Variants in SULF1 observed in about 807,000 individuals in gnomAD.
SULF1 encodes the protein sulfatase 1.
SULF1 carries 46 observed loss-of-function variants against 110.5 expected under a neutral mutation model. The observed-to-expected ratio is 0.42, with a 90% CI of 0.33 to 0.53. The LOEUF is 0.53. Ranked by LOEUF, SULF1 falls within the 20% of genes least tolerant of loss-of-function variation. SULF1 has a pLI of 0.12. For synonymous variants in SULF1, 371 were observed against 387.1 expected (o/e 0.96, Z 0.49); for missense variants, 941 against 1,094.2 (o/e 0.86, Z 1.98).
intron 13 of SULF1, among the ~76,000 whole-genome samples, chr8:69,607,390 G>T (rs768159016): frequency 2.2e-4 from 33 of 152,142 alleles, no homozygotes; most frequent in Non-Finnish European, 1.0e-4. Context: ...TTTGGGACAG[G>T]GTTTTACTCT....
At chr8:69,560,456 A>G (rs1815405143) in intron 3 of SULF1, among the ~76,000 whole-genome samples, 1 of 152,162 alleles carries the variant, frequency 6.6e-6, no homozygotes, top group Admixed American at 6.5e-5. Flanking sequence ...CCAATTGACC[A>G]TAACTACAAC....
intron 3 of SULF1, among the ~76,000 whole-genome samples, chr8:69,560,071 C>G (rs977425574): frequency 6.6e-6 from 1 of 152,142 alleles, no homozygotes; most frequent in Non-Finnish European, 1.5e-5. Flanking sequence ...CCTCATGAAC[C>G]TCTCAAAAGG....
intron 22 of SULF1, among the ~76,000 whole-genome samples, chr8:69,646,673 G>T (rs1262065923): frequency 6.6e-6 from 1 of 152,112 alleles, no homozygotes; most frequent in Admixed American, 6.5e-5. Flanking sequence ...CTGATAAATG[G>T]TGAAATTCAA....
chr8:69,608,408 G>A (rs1003511579), intron 13 of SULF1, among the ~76,000 whole-genome samples: 3 of 152,208 alleles, frequency 2.0e-5, no homozygotes, highest in South Asian at 4.1e-4. Flanking sequence ...GGCCGGGCAC[G>A]GTGGCTGATG....
chr8:69,610,966 G>C (rs1394992611), intron 13 of SULF1, among the ~76,000 whole-genome samples: 1 of 151,948 alleles, frequency 6.6e-6, no homozygotes, highest in Non-Finnish European at 1.5e-5. Flanking sequence ...CATGGATGTT[G>C]TTACTTCTCT....
intron 3 of SULF1, among the ~76,000 whole-genome samples, chr8:69,524,890 G>T (rs1402133209): frequency 1.3e-5 from 2 of 152,142 alleles, no homozygotes. Context: ...CACGTAGATG[G>T]TCTAGGCTTA....
At chr8:69,482,568 A>C (rs1809554622) in intron 1 of SULF1, among the ~76,000 whole-genome samples, 1 of 151,922 alleles carries the variant, frequency 6.6e-6, no homozygotes, top group African/African-American at 2.4e-5. Flanking sequence ...TAATTTTATA[A>C]AATCTCTGTT....
intron 13 of SULF1, among the ~76,000 whole-genome samples, chr8:69,618,319 A>G (rs756080540): frequency 4.6e-5 from 7 of 152,230 alleles, no homozygotes; most frequent in Non-Finnish European, 1.0e-4. Context: ...GAATTGAAAA[A>G]GAAAAGATGA....
intron 8 of SULF1, among the ~76,000 whole-genome samples, chr8:69,591,040 G>T (rs1806859934): frequency 6.6e-6 from 1 of 152,164 alleles, no homozygotes; most frequent in African/African-American, 2.4e-5. Flanking sequence ...AAACTTTACA[G>T]ATGTTCCCTC....
chr8:69,616,990 T>G (rs1194538165), intron 13 of SULF1, among the ~76,000 whole-genome samples: 1 of 152,170 alleles, frequency 6.6e-6, no homozygotes, highest in Non-Finnish European at 1.5e-5. Flanking sequence ...TCTTCATTTT[T>G]AAATGCTAGA....
intron 11 of SULF1, 50 bp downstream of exon 11, chr8:69,603,370 GCTGGTGC>G (rs1345681586): frequency 1.2e-6 from 2 of 1,612,082 alleles, no homozygotes; most frequent in African/African-American, 2.7e-5. Flanking sequence ...CTGAGCTCCA[GCTGGTGC>G]CCAGAGCCAG....
chr8:69,649,821 G>A (rs1437357373), intron 22 of SULF1, among the ~76,000 whole-genome samples: 5 of 151,892 alleles, frequency 3.3e-5, no homozygotes, highest in Non-Finnish European at 5.9e-5. Context: ...TTTGCTAGGT[G>A]AAGCCACTAT....
chr8:69,634,993 G>A (rs192144457), intron 19 of SULF1, among the ~76,000 whole-genome samples: 3 of 152,156 alleles, frequency 2.0e-5, no homozygotes, highest in East Asian at 1.9e-4. Context: ...AAGGGGTTTC[G>A]CCATGTTGGC....
chr8:69,518,740 C>A (rs1812098455), intron 3 of SULF1, among the ~76,000 whole-genome samples: 1 of 152,112 alleles, frequency 6.6e-6, no homozygotes, highest in Admixed American at 6.6e-5. Flanking sequence ...TTAGTCAGAA[C>A]TTGAGGGCCG....
chr8:69,586,213 A>G lies in SULF1; in HGVS notation c.413-144A>G, dbSNP rs531518984. ...CACTTTGCCAAAGGATTGGAGTATT[A>G]CACTAATGTCATTTTGGCATTCACT... On this transcript the variant is annotated intron_variant, in intron 6 of 22. Coordinates refer to ENST00000402687, the MANE Select transcript of SULF1 (RefSeq NM_001128205.2). 3.4e-4 allele frequency: 248 copies of G among 722,396 alleles called. No individual in the cohort carries two copies. In the African/African-American group the frequency reaches 4.2e-3, roughly 12 times the overall value. 44.7% of individuals were successfully genotyped at this position (722,396 alleles called of 1,614,324 possible).
intron 14 of SULF1, among the ~76,000 whole-genome samples, chr8:69,622,512 G>A (rs970094423): frequency 2.0e-5 from 3 of 151,664 alleles, no homozygotes; most frequent in Non-Finnish European, 4.4e-5. Flanking sequence ...TTGAACCTGA[G>A]ATGCAGAGGT....
intron 13 of SULF1, among the ~76,000 whole-genome samples, chr8:69,612,899 T>C (rs1282155225): frequency 6.6e-6 from 1 of 152,220 alleles, no homozygotes; most frequent in Non-Finnish European, 1.5e-5. Flanking sequence ...TTATATTTGC[T>C]TTTGGGGTCT....
At chr8:69,526,798 A>AAAGGAAGGAACG (rs1812705960) in intron 3 of SULF1, among the ~76,000 whole-genome samples, 1 of 112,198 alleles carries the variant, frequency 8.9e-6, no homozygotes, top group Admixed American at 1.0e-4. Context: ...GTCAAGAAAG[A>AAAGGAAGGAACG]AAGGAAGGAA....
At chr8:69,554,614 T>C (rs1814952817) in intron 3 of SULF1, among the ~76,000 whole-genome samples, 1 of 152,042 alleles carries the variant, frequency 6.6e-6, no homozygotes, top group Non-Finnish European at 1.5e-5. Context: ...AGGAAAGTTA[T>C]GGTTTTAGAA....
Sources: gnomAD v4.1 joint callset for allele counts (sites outside exome capture counted in the v4.1 genomes callset) on GRCh38, gnomAD v4.1.1 for gene constraint, MANE v1.5 for transcripts, NCBI Gene and HGNC (gene_info 2026-07-23, HGNC 2026-07-21) for gene names.